The following STOX2 variants were observed in gnomAD, a reference collection of about 807,000 sequenced individuals.
The protein encoded by STOX2 is storkhead box 2, also known as storkhead-box protein 2.
Under a neutral mutation model 60.9 loss-of-function variants are expected in STOX2, and 28 were observed. The ratio of observed to expected loss-of-function variants is 0.46; its 90% CI spans 0.34 to 0.63. The LOEUF is 0.63. Ranked by LOEUF, STOX2 falls within the 30% of genes least tolerant of loss-of-function variation. The probability of loss-of-function intolerance (pLI) is 0.01; values close to 1 mark genes in which losing one functional copy is unlikely to be tolerated. For missense variants in STOX2, 1,024 were observed against 1,187.7 expected, an observed-to-expected ratio of 0.86 and a Z score of 2.03; for synonymous variants, 472 against 463.9, an observed-to-expected ratio of 1.02 and a Z score of -0.22.
intron 1 of STOX2, among the ~76,000 whole-genome samples, chr4:183,942,921 A>G (rs1579446740): frequency 6.6e-6 from 1 of 152,332 alleles, no homozygotes; most frequent in Middle Eastern, 3.4e-3. Flanking sequence ...GTATTGCTAC[A>G]TAATCATTTC....
intron 1 of STOX2, among the ~76,000 whole-genome samples, chr4:183,867,261 A>T (rs1381506526): frequency 1.3e-5 from 2 of 152,216 alleles, no homozygotes; most frequent in African/African-American, 4.8e-5. Context: ...AATTTTACTA[A>T]AATTCAGAAG....
At chr4:183,937,253 C>G (rs1434112078) in intron 1 of STOX2, among the ~76,000 whole-genome samples, 3 of 152,222 alleles carry the variant, frequency 2.0e-5, no homozygotes, top group African/African-American at 7.2e-5. Flanking sequence ...GATACTTCAG[C>G]TGAGATAACC....
In STOX2 at chr4:183,803,856, G is replaced by C. The variant is rs1174285529; in HGVS notation, c.364+5801G>C. ...CAGACACCTGTAATCCTAACTACTT[G>C]GGAGGCTGAGGCAGGAGAATCGCTT... is the stretch of plus-strand genomic sequence containing the variant. On this transcript the variant is annotated intron_variant, in intron 1 of 2. Coordinates refer to the STOX2 transcript ENST00000513034. 3.3e-5 allele frequency among the ~76,000 whole-genome samples: 5 copies of C among 152,172 alleles called. No homozygotes were observed. The East Asian group carries it at 9.7e-4, about 29-fold the overall frequency.
At chr4:183,956,406 A>ATCTATCTG (rs1395287387) in intron 1 of STOX2, among the ~76,000 whole-genome samples, 2 of 139,040 alleles carry the variant, frequency 1.4e-5, no homozygotes, top group Non-Finnish European at 1.5e-5. Context: ...CTATCTATCT[A>ATCTATCTG]TCACCTATCT....
At chr4:183,971,517 G>T (rs572181413) in intron 1 of STOX2, among the ~76,000 whole-genome samples, 2 of 152,260 alleles carry the variant, frequency 1.3e-5, no homozygotes, top group Admixed American at 1.3e-4. Flanking sequence ...AATCAGTTTG[G>T]CTTCTCATTA....
rs1196988892 is a variant in STOX2 at position 184,011,002 on chromosome 4, T to C, written c.2164T>C (p.Ser722Pro). Residue 722 changes from serine (S) to proline (P), a missense_variant, in exon 3 of 4, where the codon TCC (serine) becomes CCC (proline). Ser to Pro is a moderately conservative substitution (Grantham distance 74). This residue lies in a region of STOX2 where 922 missense variants were observed against 1,058.3 expected (regional missense o/e 0.87). Transcript: ENST00000308497. This position sits in a 1 kb window ranked among gnomAD's most constrained non-coding sequence, Gnocchi z 4.4. ...SVNSYHKSSLSLLKSHPKTPA... is the reference protein window; with the variant it reads ...SVNSYHKSSLPLLKSHPKTPA... The stretch of plus-strand genomic sequence containing the variant: ...AAACAGCTATCACAAGTCGAGCCTG[T>C]CCCTCCTCAAATCTCACCCGAAGAC... 1 of 1,613,426 alleles carries C rather than the reference T, an allele frequency of 6.2e-7. No individual in the cohort carries two copies. Among genetic ancestry groups the C allele is most frequent in the Admixed American group, 1.7e-5 (1 of 59,954 alleles).
chr4:183,943,767 CG>C (rs1236468497), intron 1 of STOX2, among the ~76,000 whole-genome samples: 4 of 152,176 alleles, frequency 2.6e-5, no homozygotes, highest in Non-Finnish European at 5.9e-5. Context: ...GTCCCAGCTA[CG>C]CGGGAGGCTG....
At chr4:183,971,238 A>G (rs1387384585) in intron 1 of STOX2, among the ~76,000 whole-genome samples, 1 of 152,230 alleles carries the variant, frequency 6.6e-6, no homozygotes, top group Non-Finnish European at 1.5e-5. Context: ...GTCTCAGGCC[A>G]TACCTGTTTC....
chr4:183,953,968 A>G lies in STOX2; in HGVS notation c.166+47012A>G, dbSNP rs1743169993. Among the ~76,000 whole-genome samples, 5 of 152,294 alleles carry G rather than the reference A, an allele frequency of 3.3e-5. No homozygotes were observed. In the South Asian group the frequency reaches 1.0e-3, roughly 32 times the overall value. ...GTGGTTCTGAATAGATGTATGCGAC[A>G]TGAGTGAGTGAAATTTGCTTTACTC... On this transcript the variant is annotated intron_variant, in intron 1 of 3. Coordinates refer to ENST00000308497, the MANE Select transcript of STOX2 (RefSeq NM_020225.3).
chr4:183,888,402 C>T (rs1741130918), intron 1 of STOX2, among the ~76,000 whole-genome samples: 2 of 152,182 alleles, frequency 1.3e-5, no homozygotes, highest in African/African-American at 4.8e-5. Context: ...CAGGGATGCT[C>T]ACACAGCTAG....
At chr4:183,921,989 A>G (rs1423910982) in intron 1 of STOX2, among the ~76,000 whole-genome samples, 2 of 152,234 alleles carry the variant, frequency 1.3e-5, no homozygotes, top group Admixed American at 1.3e-4. Context: ...AAGGTCAAAC[A>G]CTTGTATTCA....
chr4:183,849,348 A>T (rs1342465981), intron 1 of STOX2, among the ~76,000 whole-genome samples: 2 of 152,228 alleles, frequency 1.3e-5, no homozygotes, highest in African/African-American at 4.8e-5. Context: ...CAAAGGCCTC[A>T]TGCCTCAGTA....
intron 1 of STOX2, among the ~76,000 whole-genome samples, chr4:183,824,760 C>T (rs974882601): frequency 1.3e-5 from 2 of 152,134 alleles, no homozygotes; most frequent in Non-Finnish European, 2.9e-5. Flanking sequence ...CAATACTAGG[C>T]GCCATGGGAG....
At chr4:183,827,760 T>C (rs1347473238) in intron 1 of STOX2, among the ~76,000 whole-genome samples, 4 of 151,694 alleles carry the variant, frequency 2.6e-5, no homozygotes, top group Non-Finnish European at 5.9e-5. Context: ...CACGTGTCTG[T>C]AGTCCCAGCT....
intron 1 of STOX2, among the ~76,000 whole-genome samples, chr4:183,823,285 A>C (rs1289702270): frequency 1.3e-5 from 2 of 152,118 alleles, no homozygotes; most frequent in Non-Finnish European, 1.5e-5. Context: ...AGTCCCAGCT[A>C]CTCGGGAGGC....
At position 184,009,160 on chromosome 4, in the gene STOX2, G is replaced by A. The variant is rs781469883; in HGVS notation, c.322G>A (p.Val108Ile). 1.8e-5 allele frequency: 11 copies of A among 614,842 alleles called. No individual in the cohort carries two copies. The highest frequency in any genetic ancestry group is 2.5e-5 in the Non-Finnish European group (10 of 394,196). The allele number at this position is 614,842 out of a possible 1,614,324, so 38.1% of individuals were successfully genotyped here. A position where few individuals can be genotyped will look rare whatever the true frequency, so the allele number is the denominator to read the frequency against. ...MEHLTTCFPG[V>I]PTPSQEILRH... is the part of the protein sequence containing the mutation. ...GGTTTTTTTTTTTTTTTTTTCAGGT[G>A]TTCCAACGCCAAGCCAAGAAATTCT... The change falls in exon 3 of 4, where the codon GTT (valine) becomes ATT (isoleucine). Residue 108 changes from valine (V) to isoleucine (I), a missense_variant and splice_region_variant. By Grantham distance (29) the Val-to-Ile change is conservative (BLOSUM62 3). This residue lies in a region of STOX2 where 922 missense variants were observed against 1,058.3 expected (regional missense o/e 0.87). Coordinates refer to ENST00000308497, the MANE Select transcript of STOX2 (RefSeq NM_020225.3). The surrounding 1 kb of genome is among the most constrained non-coding windows in gnomAD (Gnocchi z 4.0).
chr4:183,881,500 G>A (rs570137417), intron 1 of STOX2, among the ~76,000 whole-genome samples: 4 of 152,126 alleles, frequency 2.6e-5, no homozygotes, highest in Admixed American at 2.6e-4. Context: ...AACTCCTTCT[G>A]AAAAAAAGAA....
chr4:183,938,938 G>C (rs114716316), intron 1 of STOX2, among the ~76,000 whole-genome samples: 3,347 of 152,164 alleles, frequency 0.022, 129 homozygotes, highest in African/African-American at 0.077. Flanking sequence ...AATTTGTAAA[G>C]TAAAATAAAA....
intron 1 of STOX2, among the ~76,000 whole-genome samples, chr4:183,975,234 G>GA (rs1732404942): frequency 6.6e-6 from 1 of 151,292 alleles, no homozygotes; most frequent in South Asian, 2.1e-4. Context: ...TATTAGAAAA[G>GA]AAAAAAAGAA....
Sources: gnomAD v4.1 joint callset for allele counts (sites outside exome capture counted in the v4.1 genomes callset) on GRCh38, gnomAD v4.1.1 for gene constraint, gnomAD v4.1.1 regional missense constraint, Gnocchi (gnomAD v3.1) non-coding constraint, MANE v1.5 for transcripts, NCBI Gene and HGNC (gene_info 2026-07-23, HGNC 2026-07-21) for gene names.